CNPY1: variants seen among roughly 807,000 people sequenced by gnomAD.
The protein encoded by CNPY1 is canopy FGF signaling regulator 1, also known as protein canopy homolog 1.
In CNPY1, 14 loss-of-function variants were observed where a neutral mutation model predicts 14.4. That is an observed-to-expected ratio of 0.97 (90% CI 0.64 to 1.52). The LOEUF (loss-of-function observed/expected upper bound fraction) is 1.52, where lower values mean the gene tolerates loss of function less well. Among genes scored for constraint, CNPY1 ranks in the 40% most tolerant of loss-of-function variants. The probability of loss-of-function intolerance (pLI) is 0.00; values close to 1 mark genes in which losing one functional copy is unlikely to be tolerated. For synonymous variants in CNPY1, 43 were observed against 46.5 expected, an observed-to-expected ratio of 0.92 and a Z score of 0.31; for missense variants, 129 against 131.5, an observed-to-expected ratio of 0.98 and a Z score of 0.09.
intron 2 of CNPY1, among the ~76,000 whole-genome samples, chr7:155,515,941 C>G (rs186889380): frequency 6.6e-6 from 1 of 152,204 alleles, no homozygotes; most frequent in Non-Finnish European, 1.5e-5. Context: ...CCTTAGGCCC[C>G]CAGATCTCCT....
chr7:155,521,601 G>T (rs987021090), intron 2 of CNPY1, among the ~76,000 whole-genome samples: 1 of 152,180 alleles, frequency 6.6e-6, no homozygotes, highest in Non-Finnish European at 1.5e-5. Context: ...CCGCCGCCTT[G>T]TTTATGTACA....
intron 4 of CNPY1, among the ~76,000 whole-genome samples, chr7:155,504,874 A>G (rs960140463): frequency 2.6e-5 from 4 of 152,200 alleles, no homozygotes; most frequent in African/African-American, 9.7e-5. Context: ...TGTATGTTAG[A>G]TTAGGCACCA....
intron 4 of CNPY1, among the ~76,000 whole-genome samples, chr7:155,504,231 T>C (rs1406985596): frequency 6.6e-6 from 1 of 152,188 alleles, no homozygotes; most frequent in Non-Finnish European, 1.5e-5. Context: ...CCTATAACCT[T>C]TCATGGATAT....
At chr7:155,506,605 T>A (rs945702012) in intron 4 of CNPY1, 1 of 157,502 alleles carries the variant, frequency 6.3e-6, no homozygotes, top group Non-Finnish European at 1.4e-5. Context: ...TCTTACAAAA[T>A]AAAAATCGCA....
intron 2 of CNPY1, among the ~76,000 whole-genome samples, chr7:155,511,427 T>TA (rs1179142727): frequency 6.6e-6 from 1 of 152,260 alleles, no homozygotes; most frequent in Non-Finnish European, 1.5e-5. Flanking sequence ...TTCCACAACT[T>TA]ACTTCTGTGG....
intron 2 of CNPY1, among the ~76,000 whole-genome samples, chr7:155,509,514 G>T (rs1796454737): frequency 6.6e-6 from 1 of 151,998 alleles, no homozygotes; most frequent in Non-Finnish European, 1.5e-5. Context: ...AGAGGGAAAG[G>T]AGGGAGAGAC....
In CNPY1 at chr7:155,503,209, T is replaced by TA. The variant is rs1274300111; in HGVS notation, c.401-105dup. 3.4e-5 allele frequency: 32 copies of TA among 937,860 alleles called. No homozygotes were observed. The African/African-American group carries it at 4.8e-4, about 14-fold the overall frequency. 58.1% of individuals were successfully genotyped at this position (937,860 alleles called of 1,614,324 possible). The stretch of plus-strand genomic sequence containing the variant: ...ACTATGTTCTGGTAGAAGCATATTT[T>TA]AAAAACTTTTATTATGGAAATTTTC... On this transcript the variant is annotated intron_variant, in intron 4 of 4. Transcript: ENST00000636446.
intron 4 of CNPY1, among the ~76,000 whole-genome samples, chr7:155,505,221 C>T (rs1305147417): frequency 2.0e-5 from 3 of 152,150 alleles, no homozygotes; most frequent in Non-Finnish European, 4.4e-5. Flanking sequence ...CCTGAAAGGA[C>T]TCACCCCGCT....
intron 2 of CNPY1, among the ~76,000 whole-genome samples, chr7:155,524,104 T>C (rs988646054): frequency 1.3e-5 from 2 of 152,244 alleles, no homozygotes; most frequent in Non-Finnish European, 2.9e-5. Context: ...CATTTCTGCG[T>C]AAGACATCTG....
At chr7:155,523,898 G>A (rs957221319) in intron 2 of CNPY1, among the ~76,000 whole-genome samples, 4 of 152,190 alleles carry the variant, frequency 2.6e-5, no homozygotes, top group Non-Finnish European at 5.9e-5. Context: ...CAGACCACAC[G>A]GGGGAGAAAG....
At chr7:155,524,586 ATGCC>A (rs1247177228) in intron 2 of CNPY1, among the ~76,000 whole-genome samples, 1 of 152,190 alleles carries the variant, frequency 6.6e-6, no homozygotes, top group Non-Finnish European at 1.5e-5. Context: ...TGAGAATCTA[ATGCC>A]TGATGATCTG....
intron 2 of CNPY1, among the ~76,000 whole-genome samples, chr7:155,529,944 A>G (rs545944051): frequency 3.3e-5 from 5 of 152,000 alleles, no homozygotes; most frequent in Admixed American, 3.3e-4. Context: ...CACCACGCCC[A>G]GCTAATTTAT....
At chr7:155,524,452 C>G (rs552420175) in intron 2 of CNPY1, among the ~76,000 whole-genome samples, 1 of 152,302 alleles carries the variant, frequency 6.6e-6, no homozygotes, top group South Asian at 2.1e-4. Flanking sequence ...TAGCTGCTCC[C>G]CATTGTTCAC....
chr7:155,535,864 GT>G (rs949601192), intron 2 of CNPY1, among the ~76,000 whole-genome samples: 2 of 152,192 alleles, frequency 1.3e-5, no homozygotes, highest in African/African-American at 4.8e-5. Flanking sequence ...CTGTTCTCTG[GT>G]AAGCATCGTC....
chr7:155,514,161 T>C (rs879491290), intron 2 of CNPY1, among the ~76,000 whole-genome samples: 2 of 152,256 alleles, frequency 1.3e-5, no homozygotes, highest in Non-Finnish European at 2.9e-5. Context: ...CGGAGCATGA[T>C]GCGAATGTGT....
chr7:155,509,682 G>C (rs1289064930), intron 2 of CNPY1, among the ~76,000 whole-genome samples: 1 of 152,220 alleles, frequency 6.6e-6, no homozygotes, highest in African/African-American at 2.4e-5. Flanking sequence ...GATGGCCCGG[G>C]CTGGGGTGGA....
intron 2 of CNPY1, among the ~76,000 whole-genome samples, chr7:155,525,298 A>G (rs1363393148): frequency 6.6e-6 from 1 of 152,050 alleles, no homozygotes; most frequent in East Asian, 1.9e-4. Flanking sequence ...CTCCTGCCTC[A>G]GCCTCCCGAG....
rs930211585 is a variant in CNPY1, at chr7:155,536,105, G to A, written c.99+9726C>T. Among the ~76,000 whole-genome samples, 1 of 152,146 alleles carries A rather than the reference G, an allele frequency of 6.6e-6. No homozygotes were observed. The highest frequency in any genetic ancestry group is 6.5e-5 in the Admixed American group (1 of 15,280). On this transcript the variant is annotated intron_variant, in intron 2 of 4. Transcript: ENST00000636446. This position sits in a 1 kb window ranked among gnomAD's most constrained non-coding sequence, Gnocchi z 4.1. ...TTCTGGGCTGGGCTGTCCTCACCTGGCGGGGTCAGAGGCAGTGGGGATCCA... is the reference window on the plus strand; with the variant it reads ...TTCTGGGCTGGGCTGTCCTCACCTGACGGGGTCAGAGGCAGTGGGGATCCA...
intron 3 of CNPY1, 58 bp from the exon 4 acceptor site, chr7:155,507,174 T>C (rs1796347290): frequency 3.7e-6 from 4 of 1,078,642 alleles, no homozygotes; most frequent in Non-Finnish European, 5.7e-6. Flanking sequence ...GGCACTTTGT[T>C]AGGAAGGACT....
Sources: gnomAD v4.1 joint callset for allele counts (sites outside exome capture counted in the v4.1 genomes callset) on GRCh38, gnomAD v4.1.1 for gene constraint, Gnocchi (gnomAD v3.1) non-coding constraint, MANE v1.5 for transcripts, NCBI Gene and HGNC (gene_info 2026-07-23, HGNC 2026-07-21) for gene names.